TNPO3: variants seen among roughly 807,000 people sequenced by gnomAD.
TNPO3 encodes transportin-3.
A neutral mutation model predicts 122.8 loss-of-function variants in TNPO3; 65 were observed. The observed-to-expected ratio is 0.53, with a 90% CI of 0.43 to 0.65. TNPO3 has a LOEUF of 0.65. TNPO3 is among the 30% of genes least tolerant of loss of function. The probability of loss-of-function intolerance (pLI) is 0.00; values close to 1 mark genes in which losing one functional copy is unlikely to be tolerated. For synonymous variants in TNPO3, 372 were observed against 411.2 expected (o/e 0.90, Z 1.15); for missense variants, 850 against 1,136.7 (o/e 0.75, Z 3.63).
intron 1 of TNPO3, among the ~76,000 whole-genome samples, chr7:129,046,790 A>G (rs1808107455): frequency 1.3e-5 from 2 of 152,248 alleles, no homozygotes; most frequent in South Asian, 4.1e-4. Context: ...GACGTCTTAC[A>G]TGGCGGCAGG....
chr7:129,005,623 C>T (rs527514327), intron 4 of TNPO3, among the ~76,000 whole-genome samples: 1 of 151,960 alleles, frequency 6.6e-6, no homozygotes, highest in East Asian at 1.9e-4. Context: ...TCCTGCCGGC[C>T]GTGTGAACAT....
chr7:128,955,822 G>A (rs1346234752), intron 22 of TNPO3, among the ~76,000 whole-genome samples: 1 of 152,228 alleles, frequency 6.6e-6, no homozygotes, highest in African/African-American at 2.4e-5. Flanking sequence ...GCTATCGAAA[G>A]GATACTGTAT....
intron 1 of TNPO3, among the ~76,000 whole-genome samples, chr7:129,050,892 C>T (rs1211502872): frequency 6.6e-6 from 1 of 152,062 alleles, no homozygotes; most frequent in East Asian, 1.9e-4. Context: ...TCATGGAATC[C>T]AAGAATCAGT....
intron 11 of TNPO3, among the ~76,000 whole-genome samples, chr7:128,989,263 C>A (rs539652767): frequency 1.3e-4 from 20 of 152,272 alleles, no homozygotes; most frequent in African/African-American, 4.8e-4. Context: ...ACAGGAAACA[C>A]ATCAAACTTA....
chr7:128,992,088 T>C lies in TNPO3; in HGVS notation c.1269A>G (p.Leu423=). ...GGTTGCCTTCTTTCAGAGTAGAATATAACTAGAGAAGAAGAGGTGGATTAT... is the reference window on the plus strand; with the variant it reads ...GGTTGCCTTCTTTCAGAGTAGAATACAACTAGAGAAGAAGAGGTGGATTAT... The part of the protein sequence containing the change: ...LIGSMECFAQ[L]YSTLKEGNPP... The change falls in exon 10 of 23, where the codon TTA becomes TTG. Residue 423 remains leucine (L), a splice_region_variant and synonymous_variant. Coordinates refer to ENST00000265388, the MANE Select transcript of TNPO3 (RefSeq NM_012470.4). The C allele has an allele frequency of 6.3e-7, 1 of 1,575,928 alleles. No homozygotes were observed. The highest frequency in any genetic ancestry group is 8.6e-7 in the Non-Finnish European group (1 of 1,156,450).
chr7:128,997,648 T>A, intron 7 of TNPO3, 113 bp from the exon 8 acceptor site: 2 of 938,528 alleles, frequency 2.1e-6, no homozygotes, highest in Non-Finnish European at 3.1e-6. Flanking sequence ...ATAATATGAG[T>A]GGAGCCAGTT....
chr7:128,969,470 A>ATTAAT (rs369954799), intron 20 of TNPO3, among the ~76,000 whole-genome samples: 43,357 of 151,896 alleles, frequency 0.29, 7,111 homozygotes, highest in Middle Eastern at 0.38. Flanking sequence ...AACTGCTTTT[A>ATTAAT]CAGTAATATT....
intron 1 of TNPO3, chr7:129,041,615 G>A (rs1807389316): frequency 1.0e-6 from 1 of 985,346 alleles, no homozygotes; most frequent in South Asian, 4.7e-5. Context: ...TCCAGGCTTG[G>A]ACTAAGCTCC....
At chr7:129,003,586 A>C (rs886195723) in intron 5 of TNPO3, among the ~76,000 whole-genome samples, 5 of 152,112 alleles carry the variant, frequency 3.3e-5, no homozygotes, top group Non-Finnish European at 5.9e-5. Flanking sequence ...GATTGCTTGA[A>C]GCCAGGAGTT....
At chr7:129,018,290 A>G in intron 1 of TNPO3, 133 bp from the exon 2 acceptor site, 1 of 840,850 alleles carries the variant, frequency 1.2e-6, no homozygotes, top group Non-Finnish European at 1.8e-6. Flanking sequence ...TAAATTACCC[A>G]GTAATTCAGC....
intron 4 of TNPO3, among the ~76,000 whole-genome samples, chr7:129,009,933 T>C (rs1802999412): frequency 6.6e-6 from 1 of 151,964 alleles, no homozygotes; most frequent in African/African-American, 2.4e-5. Flanking sequence ...TGGTAAAGAA[T>C]GGGATTCTGA....
intron 14 of TNPO3, among the ~76,000 whole-genome samples, chr7:128,981,719 T>G (rs1799642906): frequency 6.6e-6 from 1 of 151,914 alleles, no homozygotes; most frequent in Non-Finnish European, 1.5e-5. Context: ...AGAATTCCAT[T>G]TTTAAAGAGT....
At chr7:129,019,987 C>G (rs112242691) in intron 1 of TNPO3, among the ~76,000 whole-genome samples, 10 of 151,748 alleles carry the variant, frequency 6.6e-5, no homozygotes, top group Non-Finnish European at 1.5e-4. Flanking sequence ...GAGTGAGACC[C>G]TAAAAAAACT....
intron 7 of TNPO3, among the ~76,000 whole-genome samples, chr7:128,998,738 G>C (rs74705688): frequency 2.4e-3 from 359 of 151,666 alleles, no homozygotes; most frequent in African/African-American, 8.2e-3. Flanking sequence ...TGCCCAGGCT[G>C]GTCTCGAACT....
chr7:128,961,130 A>C (rs1005397015), intron 21 of TNPO3, among the ~76,000 whole-genome samples: 38 of 152,294 alleles, frequency 2.5e-4, no homozygotes, highest in African/African-American at 9.1e-4. Context: ...TACAGTATCT[A>C]TAAAAAGTCT....
chr7:128,963,268 T>C (rs1797639411), intron 21 of TNPO3, among the ~76,000 whole-genome samples: 1 of 152,192 alleles, frequency 6.6e-6, no homozygotes, highest in South Asian at 2.1e-4. Flanking sequence ...ACCAACATAC[T>C]TGACTCCAAA....
At chr7:129,000,358 G>C (rs1051089783) in intron 7 of TNPO3, 71 bp downstream of exon 7, 2 of 1,396,354 alleles carry the variant, frequency 1.4e-6, no homozygotes, top group East Asian at 4.9e-5. Context: ...TTGGGCACGA[G>C]GTAATGAAAT....
intron 4 of TNPO3, 47 bp downstream of exon 4, chr7:129,014,932 T>A (rs1803661487): frequency 6.6e-7 from 1 of 1,523,042 alleles, no homozygotes; most frequent in African/African-American, 1.4e-5. Context: ...ATAACCGCCA[T>A]GGCTTTCTGC....
chr7:129,018,685 G>C (rs12155080), intron 1 of TNPO3, among the ~76,000 whole-genome samples: 89,492 of 151,934 alleles, frequency 0.59, 26,611 homozygotes, highest in South Asian at 0.62. Context: ...GAAAAACTAT[G>C]TTGGCTCAAG....
Sources: gnomAD v4.1 joint callset for allele counts (sites outside exome capture counted in the v4.1 genomes callset) on GRCh38, gnomAD v4.1.1 for gene constraint, MANE v1.5 for transcripts, NCBI Gene and HGNC (gene_info 2026-07-23, HGNC 2026-07-21) for gene names.